Variants in PDZD8 observed in about 807,000 individuals in gnomAD.
PDZD8 encodes the protein PDZ domain containing 8.
PDZD8 carries 14 observed loss-of-function variants against 85.8 expected under a neutral mutation model. That is an observed-to-expected ratio of 0.16 (90% CI 0.11 to 0.26). PDZD8 has a LOEUF of 0.26. PDZD8 is among the 10% of genes least tolerant of loss of function. The probability of loss-of-function intolerance (pLI) is 1.00; values close to 1 mark genes in which losing one functional copy is unlikely to be tolerated. For synonymous variants in PDZD8, 592 were observed against 568.6 expected, an observed-to-expected ratio of 1.04 and a Z score of -0.59; for missense variants, 1,197 against 1,424.3, an observed-to-expected ratio of 0.84 and a Z score of 2.57.
chr10:117,356,441 T>C (rs897069587), intron 1 of PDZD8, among the ~76,000 whole-genome samples: 2 of 152,168 alleles, frequency 1.3e-5, no homozygotes, highest in African/African-American at 4.8e-5. Flanking sequence ...ATTCCACAGA[T>C]ATCCAAATAT....
chr10:117,284,070 G>A lies in PDZD8; in HGVS notation c.2663C>T (p.Thr888Ile), dbSNP rs1281020631. 2.5e-6 allele frequency: 4 copies of A among 1,614,016 alleles called. No homozygotes were observed. The highest frequency in any genetic ancestry group is 3.4e-6 in the Non-Finnish European group (4 of 1,180,024). Reference protein sequence around the residue: ...KKCQEKCLAETSVCGATDRRI... With the variant: ...KKCQEKCLAEISVCGATDRRI... ...CCTATCAGTTGCTCCACAAACAGAA[G>A]TCTCAGCTAGACACTTTTCTTGACA... Residue 888 changes from threonine to isoleucine, a missense_variant, in exon 5 of 5, where the codon ACT (threonine) becomes ATT (isoleucine). Physicochemically the swap from Thr to Ile is moderately conservative, Grantham distance 89 (BLOSUM62 -1). This residue lies in a region of PDZD8 where 418 missense variants were observed against 571.1 expected (regional missense o/e 0.73). Coordinates refer to ENST00000334464, the MANE Select transcript of PDZD8 (RefSeq NM_173791.5).
chr10:117,370,918 T>G (rs967555168), intron 1 of PDZD8, among the ~76,000 whole-genome samples: 12 of 146,330 alleles, frequency 8.2e-5, no homozygotes, highest in Non-Finnish European at 1.7e-4. Context: ...ACAACATAGT[T>G]TGTGTGTGTG....
intron 1 of PDZD8, among the ~76,000 whole-genome samples, chr10:117,357,085 T>C (rs1440747727): frequency 2.6e-5 from 4 of 152,224 alleles, no homozygotes; most frequent in African/African-American, 9.6e-5. Flanking sequence ...ATAATGCTTA[T>C]GTTAAACTGC....
chr10:117,346,696 T>C (rs1255024782), intron 1 of PDZD8, among the ~76,000 whole-genome samples: 5 of 152,108 alleles, frequency 3.3e-5, no homozygotes, highest in Non-Finnish European at 7.4e-5. Context: ...ACATTCAGTA[T>C]GGTGTCTCCT....
At chr10:117,341,391 G>A (rs1174386980) in intron 1 of PDZD8, among the ~76,000 whole-genome samples, 1 of 152,172 alleles carries the variant, frequency 6.6e-6, no homozygotes, top group Non-Finnish European at 1.5e-5. Context: ...AGGTGGGGCA[G>A]GAGAGAGACT....
intron 4 of PDZD8, among the ~76,000 whole-genome samples, chr10:117,288,603 G>A: frequency 6.6e-6 from 1 of 152,130 alleles, no homozygotes; most frequent in East Asian, 1.9e-4. Flanking sequence ...CTGCCTCCCA[G>A]GTTCAAGCAA....
intron 3 of PDZD8, among the ~76,000 whole-genome samples, chr10:117,293,319 A>G (rs1411542845): frequency 6.6e-6 from 1 of 152,098 alleles, no homozygotes; most frequent in Admixed American, 6.5e-5. Flanking sequence ...GCCTGGCACT[A>G]TAAAACATAT....
intron 1 of PDZD8, among the ~76,000 whole-genome samples, chr10:117,372,295 A>C (rs1287180613): frequency 1.3e-5 from 2 of 152,242 alleles, no homozygotes; most frequent in Non-Finnish European, 2.9e-5. Context: ...CATACTTTTA[A>C]ATGGTTGTTA....
intron 3 of PDZD8, among the ~76,000 whole-genome samples, chr10:117,294,339 A>AC (rs1843718541): frequency 9.5e-6 from 1 of 105,044 alleles, no homozygotes. Flanking sequence ...AAAAAAAAAA[A>AC]AAAAAACAAA....
At chr10:117,343,137 A>C (rs1191106849) in intron 1 of PDZD8, among the ~76,000 whole-genome samples, 2 of 152,234 alleles carry the variant, frequency 1.3e-5, no homozygotes, top group Non-Finnish European at 2.9e-5. Flanking sequence ...CTGATTTACA[A>C]AGAGTTAACA....
intron 2 of PDZD8, 23 bp from the exon 3 acceptor site, chr10:117,318,997 G>A: frequency 6.7e-7 from 1 of 1,486,398 alleles, no homozygotes; most frequent in South Asian, 1.1e-5. Flanking sequence ...ACAAAACAAG[G>A]GAGAGTATCA....
At chr10:117,291,924 G>A (rs1027464380) in intron 3 of PDZD8, among the ~76,000 whole-genome samples, 7 of 151,208 alleles carry the variant, frequency 4.6e-5, no homozygotes, top group Non-Finnish European at 8.8e-5. Flanking sequence ...TGTTTATGGC[G>A]CTCAATTACA....
intron 3 of PDZD8, among the ~76,000 whole-genome samples, chr10:117,297,975 A>G (rs551870172): frequency 6.6e-6 from 1 of 152,246 alleles, no homozygotes; most frequent in South Asian, 2.1e-4. Flanking sequence ...TTAGTTTTCC[A>G]ATTTACCTAA....
chr10:117,333,472 C>A (rs1589573244), intron 2 of PDZD8, among the ~76,000 whole-genome samples: 7 of 152,036 alleles, frequency 4.6e-5, no homozygotes, highest in Admixed American at 4.6e-4. Flanking sequence ...ATAAGAAGCA[C>A]CCACATACCA....
chr10:117,370,918 T>TG (rs1845177851), intron 1 of PDZD8, among the ~76,000 whole-genome samples: 8 of 146,330 alleles, frequency 5.5e-5, no homozygotes, highest in African/African-American at 2.0e-4. Flanking sequence ...ACAACATAGT[T>TG]TGTGTGTGTG....
chr10:117,294,403 T>TG (rs780944554), intron 3 of PDZD8, among the ~76,000 whole-genome samples: 2 of 151,714 alleles, frequency 1.3e-5, no homozygotes, highest in South Asian at 4.2e-4. Context: ...ACACTGTTAG[T>TG]GGGAAAGTAG....
At chr10:117,285,694 C>G in intron 4 of PDZD8, 1 of 1,205,974 alleles carries the variant, frequency 8.3e-7, no homozygotes, top group Non-Finnish European at 1.0e-6. Flanking sequence ...AGATGTTTAC[C>G]TTTTCAAACC....
intron 2 of PDZD8, among the ~76,000 whole-genome samples, chr10:117,340,242 G>A (rs1844588242): frequency 6.6e-6 from 1 of 152,146 alleles, no homozygotes; most frequent in East Asian, 1.9e-4. Context: ...GTTTTGATAG[G>A]TGACAAAGAT....
In PDZD8 at chr10:117,284,087, T is replaced by C; in HGVS notation, c.2646A>G (p.Glu882=). ...AAACAGAAGTCTCAGCTAGACACTT[T>C]TCTTGACATTTTTTATGGCAAACAT... The part of the protein sequence containing the change: ...CAYVCHKKCQ[E]KCLAETSVCG... Residue 882 remains glutamate (E), a synonymous_variant, in exon 5 of 5, where the codon GAA becomes GAG. Coordinates refer to ENST00000334464, the MANE Select transcript of PDZD8 (RefSeq NM_173791.5). The C allele has an allele frequency of 2.5e-6, 4 of 1,614,154 alleles. No individual in the cohort carries two copies. The highest frequency in any genetic ancestry group is 3.4e-6 in the Non-Finnish European group (4 of 1,180,024).
Sources: allele counts gnomAD v4.1 joint callset (sites outside exome capture counted in the v4.1 genomes callset), GRCh38; gene constraint gnomAD v4.1.1; regional missense constraint gnomAD v4.1.1; transcripts MANE v1.5; gene names NCBI Gene and HGNC (gene_info 2026-07-23, HGNC 2026-07-21).